The following TDRD5 variants were observed in gnomAD, a reference collection of about 807,000 sequenced individuals.
TDRD5 encodes tudor domain-containing protein 5.
Under a neutral mutation model 120.6 loss-of-function variants are expected in TDRD5, and 41 were observed. The observed-to-expected ratio is 0.34, with a 90% confidence interval of 0.26 to 0.44. TDRD5 has a LOEUF of 0.44. TDRD5 is among the 20% of genes least tolerant of loss of function. The pLI, the probability that TDRD5 is intolerant of heterozygous loss-of-function variation, is 1.00. For synonymous variants in TDRD5, 430 were observed against 433.7 expected, an observed-to-expected ratio of 0.99 and a Z score of 0.11; for missense variants, 1,006 against 1,221.2, an observed-to-expected ratio of 0.82 and a Z score of 2.63.
chr1:179,598,017 T>C (rs1675497176), intron 4 of TDRD5, among the ~76,000 whole-genome samples: 1 of 152,198 alleles, frequency 6.6e-6, no homozygotes, highest in African/African-American at 2.4e-5. Flanking sequence ...ATTTTATCAT[T>C]GTATGATCAT....
intron 6 of TDRD5, among the ~76,000 whole-genome samples, chr1:179,626,890 TA>T (rs1677158509): frequency 6.6e-6 from 1 of 152,168 alleles, no homozygotes; most frequent in South Asian, 2.1e-4. Flanking sequence ...AGAATTCAAG[TA>T]AACCTTACTG....
chr1:179,630,660 A>G (rs1017033193), intron 6 of TDRD5, 107 bp from the exon 7 acceptor site: 69 of 1,130,986 alleles, frequency 6.1e-5, no homozygotes, highest in Non-Finnish European at 6.9e-5. Context: ...GTAATACTTG[A>G]GTTCATTGAC....
At chr1:179,669,444 A>T in intron 17 of TDRD5, 40 bp downstream of exon 17, 1 of 1,607,980 alleles carries the variant, frequency 6.2e-7, no homozygotes, top group East Asian at 2.2e-5. Flanking sequence ...CAGTTGACAA[A>T]CATGATGGTT....
intron 16 of TDRD5, 88 bp from the exon 17 acceptor site, chr1:179,669,106 G>T: frequency 8.7e-7 from 1 of 1,155,390 alleles, no homozygotes. Flanking sequence ...GGAAATATTT[G>T]TATTTTGCTT....
chr1:179,592,498 C>A, intron 1 of TDRD5, 104 bp from the exon 2 acceptor site: 1 of 890,038 alleles, frequency 1.1e-6, no homozygotes, highest in South Asian at 1.6e-5. Flanking sequence ...GCCTTATTAC[C>A]CTTAAAACTG....
chr1:179,639,399 T>A (rs1677921773), intron 9 of TDRD5, among the ~76,000 whole-genome samples: 1 of 152,048 alleles, frequency 6.6e-6, no homozygotes. Flanking sequence ...AAAAAATAAC[T>A]ATTGACAAAG....
intron 17 of TDRD5, among the ~76,000 whole-genome samples, chr1:179,690,462 C>G (rs543596180): frequency 1.3e-5 from 2 of 152,344 alleles, no homozygotes; most frequent in South Asian, 2.1e-4. Context: ...TTTTCCCTCT[C>G]TCACTTACCT....
intron 17 of TDRD5, among the ~76,000 whole-genome samples, chr1:179,675,270 A>ATTTTT (rs879312785): frequency 0.029 from 1,718 of 58,534 alleles, 48 homozygotes; most frequent in East Asian, 0.04. Context: ...TATTATTATT[A>ATTTTT]TTATTTTTTT....
chr1:179,598,670 A>G (rs1675535934), intron 4 of TDRD5, among the ~76,000 whole-genome samples: 1 of 147,166 alleles, frequency 6.8e-6, no homozygotes, highest in Admixed American at 6.8e-5. Flanking sequence ...TAGAAAATCA[A>G]TTGGTTTTTT....
intron 17 of TDRD5, among the ~76,000 whole-genome samples, chr1:179,680,209 T>G (rs1276464702): frequency 2.0e-5 from 3 of 152,208 alleles, no homozygotes; most frequent in Admixed American, 6.5e-5. Flanking sequence ...GACACTTTTA[T>G]AGCCTACAGT....
intron 11 of TDRD5, among the ~76,000 whole-genome samples, chr1:179,640,882 G>T (rs1349784529): frequency 6.6e-6 from 1 of 152,174 alleles, no homozygotes; most frequent in Non-Finnish European, 1.5e-5. Flanking sequence ...AGAAATAGGA[G>T]CCTAATGTGA....
chr1:179,618,313 T>C (rs1676666062), intron 4 of TDRD5, among the ~76,000 whole-genome samples: 1 of 152,196 alleles, frequency 6.6e-6, no homozygotes, highest in South Asian at 2.1e-4. Flanking sequence ...AAAAATTCTT[T>C]CTGGGTAAGA....
At chr1:179,673,171 G>T (rs1300675699) in intron 17 of TDRD5, among the ~76,000 whole-genome samples, 1 of 152,100 alleles carries the variant, frequency 6.6e-6, no homozygotes, top group Non-Finnish European at 1.5e-5. Context: ...ATCTGAATTT[G>T]TGGATTGCTT....
At chr1:179,649,064 G>A (rs1333853171) in intron 11 of TDRD5, among the ~76,000 whole-genome samples, 1 of 152,116 alleles carries the variant, frequency 6.6e-6, no homozygotes, top group Non-Finnish European at 1.5e-5. Flanking sequence ...TTCCCTTATC[G>A]TTTTCTGAGA....
chr1:179,660,412 G>A (rs1359948892), intron 14 of TDRD5, among the ~76,000 whole-genome samples: 1 of 151,298 alleles, frequency 6.6e-6, no homozygotes, highest in Non-Finnish European at 1.5e-5. Context: ...AGTAGAGACG[G>A]GGTTTCACCG....
In TDRD5 at chr1:179,592,721, C is replaced by G. The variant is rs1675181479; in HGVS notation, c.106C>G (p.Leu36Val). Reference sequence around the variant, plus strand: ...CCCACAGGAGTTGGAGAAGGAGTACCTTTTGATGGTTGGCAACCATCTACC... The same window carrying G: ...CCCACAGGAGTTGGAGAAGGAGTACGTTTTGATGGTTGGCAACCATCTACC... ...LSPQELEKEY[L>V]LMVGNHLPLR... The change falls in exon 2 of 18, where the codon CTT (leucine) becomes GTT (valine). Residue 36 changes from leucine to valine, a missense_variant. Physicochemically the swap from Leu to Val is conservative, Grantham distance 32 (BLOSUM62 1). Transcript: ENST00000444136. 1 of 1,613,906 alleles carries G rather than the reference C, an allele frequency of 6.2e-7. No individual in the cohort carries two copies. The highest frequency in any genetic ancestry group is 8.5e-7 in the Non-Finnish European group (1 of 1,180,028).
rs1013709678 is a variant in TDRD5, at chr1:179,667,571, T to TACTA, written c.2650-1622_2650-1621insCTAA. ...TCTCCCCAGCTTAAAAAATTTATGA[T>TACTA]ATTAATATTGATTTACTTATTATTG... On this transcript the variant is annotated intron_variant, in intron 16 of 17. Transcript: ENST00000444136. 6.7e-5 allele frequency among the ~76,000 whole-genome samples: 8 copies of TACTA among 119,664 alleles called. No individual in the cohort carries two copies. The Admixed American group carries it at 7.2e-4, about 11-fold the overall frequency. 78.5% of individuals were successfully genotyped at this position (119,664 alleles called of 152,430 possible).
chr1:179,672,254 C>T (rs1040794418), intron 17 of TDRD5, among the ~76,000 whole-genome samples: 3 of 152,058 alleles, frequency 2.0e-5, no homozygotes, highest in Non-Finnish European at 4.4e-5. Flanking sequence ...ATTCCCTTTC[C>T]ACCGCATGCA....
intron 17 of TDRD5, among the ~76,000 whole-genome samples, chr1:179,687,968 A>G (rs1177933271): frequency 6.6e-6 from 1 of 151,636 alleles, no homozygotes; most frequent in Admixed American, 6.6e-5. Context: ...TCATGAATAC[A>G]GCACACTGAT....
Sources: gnomAD v4.1 joint callset for allele counts (sites outside exome capture counted in the v4.1 genomes callset) on GRCh38, gnomAD v4.1.1 for gene constraint, MANE v1.5 for transcripts, NCBI Gene and HGNC (gene_info 2026-07-23, HGNC 2026-07-21) for gene names.